The following POU2F2 variants were observed in gnomAD, a reference collection of about 807,000 sequenced individuals.
POU2F2 encodes POU domain, class 2, transcription factor 2.
In POU2F2, 14 loss-of-function variants were observed where a neutral mutation model predicts 63.5. That is an observed-to-expected ratio of 0.22 (90% CI 0.15 to 0.34). POU2F2 has a LOEUF of 0.34. Among genes scored for constraint, POU2F2 ranks in the 10% least tolerant of loss-of-function variants. The pLI is 1.00. For synonymous variants in POU2F2, 306 were observed against 348.6 expected, an observed-to-expected ratio of 0.88 and a Z score of 1.36; for missense variants, 607 against 815.2, an observed-to-expected ratio of 0.74 and a Z score of 3.11.
At position 42,091,129 on chromosome 19, in the gene POU2F2, G is replaced by GTTTTTTTTTTTTTTTTT. The variant is rs2076697486; in HGVS notation, c.*127_*128insAAAAAAAAAAAAAAAAA. The GTTTTTTTTTTTTTTTTT allele has an allele frequency of 1.6e-6, 1 of 626,116 alleles. No individual in the cohort carries two copies. The highest frequency in any genetic ancestry group is 2.2e-5 in the African/African-American group (1 of 46,438). 38.8% of individuals were successfully genotyped at this position (626,116 alleles called of 1,614,324 possible). Reference sequence around the variant, plus strand: ...TTTTTTTTGGTTGGTTGTTTTTTTGGTCTTTCCTCCCTTGTCACTCCTGCT... The same window carrying GTTTTTTTTTTTTTTTTT: ...TTTTTTTTGGTTGGTTGTTTTTTTGGTTTTTTTTTTTTTTTTTTCTTTCCTCCCTTGTCACTCCTGCT... On this transcript the variant is annotated 3_prime_UTR_variant, in exon 15 of 15. Transcript: ENST00000692977.
upstream of POU2F2, chr19:42,133,359 T>C (rs1300229073): frequency 6.7e-6 from 1 of 149,756 alleles, no homozygotes; most frequent in African/African-American, 2.4e-5. The surrounding 1 kb of genome is among the most constrained non-coding windows in gnomAD (Gnocchi z 5.1). Flanking sequence ...CTCGCACACC[T>C]GCGAGGGTCA....
intron 1 of POU2F2, among the ~76,000 whole-genome samples, chr19:42,187,833 GGAGAA>G (rs952519027): frequency 6.6e-5 from 10 of 151,794 alleles, no homozygotes; most frequent in Non-Finnish European, 1.3e-4. Flanking sequence ...AAGCTGTCAG[GGAGAA>G]GAGAAGAGAA....
chr19:42,117,390 C>T lies in POU2F2; in HGVS notation c.229G>A (p.Gly77Arg). 1.3e-6 allele frequency: 2 copies of T among 1,494,684 alleles called. No homozygotes were observed. The highest frequency in any genetic ancestry group is 1.8e-6 in the Non-Finnish European group (2 of 1,107,450). 92.6% of individuals were successfully genotyped at this position (1,494,684 alleles called of 1,614,324 possible). ...ATCTGGGGGGGAGAGAGGCAGGGTC[C>T]GGGACCCCAGAATGTTAAGTGGAGG... is the stretch of plus-strand genomic sequence containing the variant. ...SGLHLTFWGP[G>R]PCLSPPQIKA... Residue 77 changes from glycine to arginine, a missense_variant, in exon 5 of 15, where the codon GGA becomes AGA. By Grantham distance (125) the Gly-to-Arg change is moderately radical. Around this residue, in one of 7 missense-constraint regions of POU2F2, gnomAD observed 224 missense variants for 264.3 expected, o/e 0.85. Transcript: ENST00000692977. This position sits in a 1 kb window ranked among gnomAD's most constrained non-coding sequence, Gnocchi z 4.4.
intron 2 of POU2F2, among the ~76,000 whole-genome samples, chr19:42,145,336 G>T (rs1450351539): frequency 6.6e-6 from 1 of 152,172 alleles, no homozygotes; most frequent in East Asian, 1.9e-4. Context: ...TCCTAGCTGT[G>T]CAACTTTGAG....
chr19:42,176,763 C>G (rs2034889951), upstream of POU2F2, among the ~76,000 whole-genome samples: 1 of 151,334 alleles, frequency 6.6e-6, no homozygotes, highest in South Asian at 2.1e-4. Context: ...GGGGGCAAAG[C>G]CCCGGCGCCG....
intron 5 of POU2F2, among the ~76,000 whole-genome samples, chr19:42,107,088 C>G (rs560306510): frequency 6.6e-6 from 1 of 152,094 alleles, no homozygotes; most frequent in Non-Finnish European, 1.5e-5. Context: ...TGGCTCATGC[C>G]TGTAATCCCA....
intron 1 of POU2F2, among the ~76,000 whole-genome samples, chr19:42,129,335 G>A (rs1445873255): frequency 3.9e-5 from 6 of 152,026 alleles, no homozygotes; most frequent in African/African-American, 1.4e-4. Context: ...GTTGCCCCTT[G>A]AATCCCACCT....
At chr19:42,100,934 C>T (rs1303347204) in intron 5 of POU2F2, among the ~76,000 whole-genome samples, 2 of 151,818 alleles carry the variant, frequency 1.3e-5, no homozygotes, top group African/African-American at 4.8e-5. Context: ...CCTGTCTCTA[C>T]TAAAAATACA....
chr19:42,179,132 G>A (rs1025631635), upstream of POU2F2, among the ~76,000 whole-genome samples: 4 of 152,146 alleles, frequency 2.6e-5, no homozygotes, highest in Non-Finnish European at 5.9e-5. Flanking sequence ...GGTAAAGGAG[G>A]AAGGGACAGG....
At chr19:42,180,811 CA>C (rs1342886904), upstream of POU2F2, among the ~76,000 whole-genome samples, 12 of 152,226 alleles carry the variant, frequency 7.9e-5, no homozygotes, top group African/African-American at 2.9e-4. Context: ...ACTGTAGCCT[CA>C]AACTCCTGGG....
At chr19:42,143,258 G>A (rs1053064085) in intron 2 of POU2F2, among the ~76,000 whole-genome samples, 2 of 152,178 alleles carry the variant, frequency 1.3e-5, no homozygotes, top group Middle Eastern at 3.4e-3. Context: ...CAGCTACTCA[G>A]GAGGCTAAGG....
rs537927282 is a variant in POU2F2, at chr19:42,140,282, G to A, written c.-8-17706C>T. The stretch of plus-strand genomic sequence containing the variant: ...TCCTGTTCTCTAGCTCCCACTGGGC[G>A]CAGCACCAACTCTGCAGGCTCAGAG... On this transcript the variant is annotated intron_variant, in intron 2 of 6. Coordinates refer to the POU2F2 transcript ENST00000524801. Among the ~76,000 whole-genome samples, 218 of 152,188 alleles carry A rather than the reference G, an allele frequency of 1.4e-3. 6 individuals are homozygous for A. In the South Asian group the frequency reaches 0.042, roughly 29 times the overall value.
intron 1 of POU2F2, among the ~76,000 whole-genome samples, chr19:42,166,982 T>C (rs1469835348): frequency 6.6e-6 from 1 of 152,288 alleles, no homozygotes; most frequent in South Asian, 2.1e-4. Context: ...TGACAAAACA[T>C]TCAATGAGCA....
intron 2 of POU2F2, among the ~76,000 whole-genome samples, chr19:42,140,486 A>G (rs1252676494): frequency 6.6e-6 from 1 of 152,028 alleles, no homozygotes; most frequent in African/African-American, 2.4e-5. Flanking sequence ...CCTCAGCCAC[A>G]CTGGAGGAAG....
intron 1 of POU2F2, among the ~76,000 whole-genome samples, chr19:42,164,546 A>G (rs1404407257): frequency 6.6e-6 from 1 of 151,388 alleles, no homozygotes; most frequent in Non-Finnish European, 1.5e-5. Context: ...ACTTCAGCTC[A>G]GGTGACAGTG....
chr19:42,166,645 C>T (rs1195594568), intron 1 of POU2F2, among the ~76,000 whole-genome samples: 1 of 151,952 alleles, frequency 6.6e-6, no homozygotes, highest in African/African-American at 2.4e-5. Context: ...AGGGGGTGAG[C>T]AGATCTGACA....
At chr19:42,139,593 C>T (rs999424834) in intron 2 of POU2F2, among the ~76,000 whole-genome samples, 4 of 152,144 alleles carry the variant, frequency 2.6e-5, no homozygotes, top group African/African-American at 9.7e-5. Context: ...CCATGCGCCA[C>T]CATGCCCAGC....
At chr19:42,135,739 A>C, upstream of POU2F2, among the ~76,000 whole-genome samples, 2 of 140,160 alleles carry the variant, frequency 1.4e-5, no homozygotes, top group African/African-American at 2.7e-5. Flanking sequence ...ACAGAGTCTC[A>C]CTCTGTCGCT....
intron 5 of POU2F2, among the ~76,000 whole-genome samples, chr19:42,105,308 C>T (rs1378479004): frequency 6.6e-6 from 1 of 152,218 alleles, no homozygotes; most frequent in Non-Finnish European, 1.5e-5. Context: ...CTCTGCCAGA[C>T]TGACTCTAGC....
Sources: gnomAD v4.1 joint callset for allele counts (sites outside exome capture counted in the v4.1 genomes callset) on GRCh38, gnomAD v4.1.1 for gene constraint, gnomAD v4.1.1 regional missense constraint, Gnocchi (gnomAD v3.1) non-coding constraint, MANE v1.5 for transcripts, NCBI Gene and HGNC (gene_info 2026-07-23, HGNC 2026-07-21) for gene names.